GNAS: variants seen among roughly 807,000 people sequenced by gnomAD.
GNAS encodes the protein GNAS complex locus, also known as protein ALEX.
Under a neutral mutation model 54.5 loss-of-function variants are expected in GNAS, and 8 were observed. The ratio of observed to expected loss-of-function variants is 0.15; its 90% CI spans 0.09 to 0.26. The LOEUF is 0.26. Among genes scored for constraint, GNAS ranks in the 10% least tolerant of loss-of-function variants. GNAS has a pLI of 1.00. For missense variants in GNAS, 170 were observed against 529.8 expected, an observed-to-expected ratio of 0.32 and a Z score of 6.67; for synonymous variants, 204 against 191.4, an observed-to-expected ratio of 1.07 and a Z score of -0.54.
chr20:58,903,145 C>A (rs1031042761), intron 3 of GNAS: 3 of 372,316 alleles, frequency 8.1e-6, no homozygotes, highest in Non-Finnish European at 1.0e-5. Flanking sequence ...TGTTCCACCC[C>A]AACCTCATAG....
rs2146297980 is a variant in GNAS at position 58,910,268 on chromosome 20, A to T, written c.971-66A>T. The T allele has an allele frequency of 7.5e-7, 1 of 1,325,488 alleles. No homozygotes were observed. Among genetic ancestry groups the T allele is most frequent in the Non-Finnish European group, 1.1e-6 (1 of 916,202 alleles). The allele number at this position is 1,325,488 out of a possible 1,614,324, so 82.1% of individuals were successfully genotyped here. A position where few individuals can be genotyped will look rare whatever the true frequency, so the allele number is the denominator to read the frequency against. On this transcript the variant is annotated intron_variant, in intron 11 of 12. Coordinates refer to ENST00000371085, the MANE Select transcript of GNAS (RefSeq NM_000516.7). This position sits in a 1 kb window ranked among gnomAD's most constrained non-coding sequence, Gnocchi z 5.8. ...GTTTTGAAGACTTCAGGAGCTACAG[A>T]GATGCTAGCACCCCAGCTCTGCTTG...
chr20:58,846,602 G>A (rs948020995), intron 1 of GNAS, among the ~76,000 whole-genome samples: 2 of 152,186 alleles, frequency 1.3e-5, no homozygotes, highest in Admixed American at 1.3e-4. Context: ...TGGTCTTCAA[G>A]GTCCCCACTC....
chr20:58,908,953 A>C, intron 6 of GNAS: 1 of 701,766 alleles, frequency 1.4e-6, no homozygotes, highest in Non-Finnish European at 2.6e-6. Context: ...AAAATTATTT[A>C]TCTTAAATCC....
rs2086891554 is a variant in GNAS, at chr20:58,863,706, C to T, written c.43+22820C>T. 3 of 152,526 alleles carry T rather than the reference C, an allele frequency of 2.0e-5. No individual in the cohort carries two copies. The highest frequency in any genetic ancestry group is 7.2e-5 in the African/African-American group (3 of 41,444). 9.4% of individuals were successfully genotyped at this position (152,526 alleles called of 1,614,324 possible). On this transcript the variant is annotated intron_variant, in intron 1 of 12. Transcript: ENST00000306090. This position sits in a 1 kb window ranked among gnomAD's most constrained non-coding sequence, Gnocchi z 4.1. ...ATTAAGACTTGGGCTGCAAGAGCCT[C>T]GCCTCTCTCTTCTGATTTATCTGGC...
chr20:58,866,744 G>A (rs988043428), intron 1 of GNAS, among the ~76,000 whole-genome samples: 2 of 151,650 alleles, frequency 1.3e-5, no homozygotes, highest in African/African-American at 4.8e-5. Flanking sequence ...AGATTCATTA[G>A]GGATCTAATT....
At chr20:58,903,990 G>A (rs919696522) in intron 5 of GNAS, among the ~76,000 whole-genome samples, 199 bp downstream of exon 5, 1 of 152,078 alleles carries the variant, frequency 6.6e-6, no homozygotes, top group African/African-American at 2.4e-5. Context: ...TAATCATTAG[G>A]GCTTTGTTCA....
rs2145480293 is a variant in GNAS, at chr20:58,841,869, T to C, written c.43+983T>C. 19 of 1,230,938 alleles carry C rather than the reference T, an allele frequency of 1.5e-5. No individual in the cohort carries two copies. Among genetic ancestry groups the C allele is most frequent in the Non-Finnish European group, 1.9e-5 (19 of 987,902 alleles). 76.3% of individuals were successfully genotyped at this position (1,230,938 alleles called of 1,614,324 possible). The stretch of plus-strand genomic sequence containing the variant: ...TGGAGGCCCTCGAGATCGTCGCAAG[T>C]GGAAAGGTAAAGCGGAACAAGGGAC... On this transcript the variant is annotated intron_variant, in intron 1 of 12. Transcript: ENST00000306090. The surrounding 1 kb of genome is among the most constrained non-coding windows in gnomAD (Gnocchi z 5.0).
In GNAS at chr20:58,903,527, G is replaced by A. The variant is rs780583192; in HGVS notation, c.258-4G>A. 2.5e-6 allele frequency: 4 copies of A among 1,612,394 alleles called. No homozygotes were observed. Among genetic ancestry groups the A allele is most frequent in the South Asian group, 1.1e-5 (1 of 91,040 alleles). ...ATTTTCTTTTCTTTTCAATCCCACT[G>A]CAGTGAGAAGGCAACCAAAGTGCAG... On this transcript the variant is annotated splice_polypyrimidine_tract_variant and splice_region_variant and intron_variant, in intron 3 of 12. Coordinates refer to ENST00000371085, the MANE Select transcript of GNAS (RefSeq NM_000516.7).
intron 6 of GNAS, among the ~76,000 whole-genome samples, chr20:58,907,352 C>T (rs1367816581): frequency 6.6e-6 from 1 of 152,220 alleles, no homozygotes; most frequent in African/African-American, 2.4e-5. Context: ...GCCCCCACTC[C>T]TTCTTCAACA....
chr20:58,896,864 A>G (rs1601041530), intron 2 of GNAS, among the ~76,000 whole-genome samples: 1 of 152,262 alleles, frequency 6.6e-6, no homozygotes, highest in African/African-American at 2.4e-5. Flanking sequence ...GTAGCGTTTA[A>G]TTATACCAAC....
At chr20:58,895,388 C>G in intron 1 of GNAS, 1 of 543,530 alleles carries the variant, frequency 1.8e-6, no homozygotes, top group East Asian at 3.1e-5. Context: ...ACCTTAAATT[C>G]TTGTTTGTTA....
upstream of GNAS, chr20:58,889,470 G>A: frequency 4.5e-6 from 2 of 442,340 alleles, no homozygotes; most frequent in Non-Finnish European, 3.0e-6. Context: ...GCCCCGGGGC[G>A]CCTCCGGGCA....
chr20:58,893,066 C>A (rs1208094188), intron 1 of GNAS, among the ~76,000 whole-genome samples: 3 of 103,094 alleles, frequency 2.9e-5, no homozygotes, highest in Non-Finnish European at 5.6e-5. Flanking sequence ...GGCGTGGTTT[C>A]TTTTTTTTTT....
At chr20:58,848,317 A>G (rs887350424) in intron 1 of GNAS, among the ~76,000 whole-genome samples, 1 of 152,166 alleles carries the variant, frequency 6.6e-6, no homozygotes, top group Non-Finnish European at 1.5e-5. Flanking sequence ...ACAGCCCCTC[A>G]TGACAGGGGT....
chr20:58,876,069 T>C (rs1472154137), intron 1 of GNAS, among the ~76,000 whole-genome samples: 1 of 152,166 alleles, frequency 6.6e-6, no homozygotes, highest in East Asian at 1.9e-4. Context: ...TTAGAGTTAC[T>C]CAGAGGTGTA....
chr20:58,889,418 C>A, upstream of GNAS: 18 of 976,640 alleles, frequency 1.8e-5, no homozygotes, highest in Non-Finnish European at 2.2e-5. Context: ...CAAGAGCCGC[C>A]GGGTCCGGGA....
intron 3 of GNAS, among the ~76,000 whole-genome samples, chr20:58,900,675 T>C (rs922514443): frequency 3.3e-5 from 5 of 152,210 alleles, no homozygotes; most frequent in African/African-American, 1.2e-4. Flanking sequence ...ATGGCATATG[T>C]TTTGCCTTTG....
At position 58,891,445 on chromosome 20, in the gene GNAS, G is replaced by T. The variant is rs2089291685; in HGVS notation, c.-282G>T. The T allele has an allele frequency of 3.4e-6, 2 of 580,924 alleles. No homozygotes were observed. The highest frequency in any genetic ancestry group is 2.9e-4 in the East Asian group (2 of 6,816). The allele number at this position is 580,924 out of a possible 1,614,324, so 36.0% of individuals were successfully genotyped here. ...CAGCAGCTCCCGCAGCTCCTGCTCTGGTCCGCCTCGGCCCGGCGGCGGCCA... is the reference window on the plus strand; with the variant it reads ...CAGCAGCTCCCGCAGCTCCTGCTCTTGTCCGCCTCGGCCCGGCGGCGGCCA... On this transcript the variant is annotated 5_prime_UTR_variant, in exon 1 of 13. Transcript: ENST00000371085.
chr20:58,909,330 T>C lies in GNAS; in HGVS notation c.586-20T>C. On this transcript the variant is annotated intron_variant, in intron 7 of 12. Transcript: ENST00000371085. The surrounding 1 kb of genome is among the most constrained non-coding windows in gnomAD (Gnocchi z 7.3). Reference sequence around the variant, plus strand: ...TTCGGTTGGCTTTGGTGAGATCCATTGACCTCAATTTTGTTTCAGGACCTG... The same window carrying C: ...TTCGGTTGGCTTTGGTGAGATCCATCGACCTCAATTTTGTTTCAGGACCTG... The C allele has an allele frequency of 2.5e-6, 4 of 1,602,734 alleles. No individual in the cohort carries two copies. The highest frequency in any genetic ancestry group is 2.2e-5 in the East Asian group (1 of 44,798).
Sources: allele counts gnomAD v4.1 joint callset (sites outside exome capture counted in the v4.1 genomes callset), GRCh38; gene constraint gnomAD v4.1.1; non-coding constraint Gnocchi (gnomAD v3.1); transcripts MANE v1.5; gene names NCBI Gene and HGNC (gene_info 2026-07-23, HGNC 2026-07-21).